The following UQCC1 variants were observed in gnomAD, a reference collection of about 807,000 sequenced individuals.
UQCC1 encodes bFGF-repressed Zic-binding protein.
In UQCC1, 38 loss-of-function variants were observed where a neutral mutation model predicts 48.0. The observed-to-expected ratio is 0.79, with a 90% confidence interval of 0.61 to 1.04. The LOEUF (loss-of-function observed/expected upper bound fraction) is 1.04. Among genes scored for constraint, UQCC1 ranks in the 50% least tolerant of loss-of-function variants. The pLI, the probability that UQCC1 is intolerant of heterozygous loss-of-function variation, is 0.00. For synonymous variants in UQCC1, 111 were observed against 129.2 expected, an observed-to-expected ratio of 0.86 and a Z score of 0.95; for missense variants, 368 against 381.8, an observed-to-expected ratio of 0.96 and a Z score of 0.30.
At chr20:35,305,495 C>T (rs910476094) in intron 9 of UQCC1, among the ~76,000 whole-genome samples, 2 of 152,244 alleles carry the variant, frequency 1.3e-5, no homozygotes, top group Non-Finnish European at 2.9e-5. Context: ...ATTTGCTTTG[C>T]GAATTGCTAC....
chr20:35,336,275 G>C (rs956291682), intron 7 of UQCC1, among the ~76,000 whole-genome samples: 1 of 152,212 alleles, frequency 6.6e-6, no homozygotes, highest in African/African-American at 2.4e-5. Context: ...TGGTAGGTAG[G>C]CTGAATTTGG....
chr20:35,374,137 AAAT>A, intron 5 of UQCC1, 44 bp downstream of exon 5: 1 of 1,464,440 alleles, frequency 6.8e-7, no homozygotes. Flanking sequence ...CATAAAAATG[AAAT>A]GTAGATTTGT....
intron 8 of UQCC1, chr20:35,307,079 C>A (rs1395330661): frequency 2.3e-6 from 1 of 440,730 alleles, no homozygotes. Flanking sequence ...CTGGCCCAGG[C>A]AACACTTGAG....
chr20:35,331,645 C>T (rs1018647144), intron 7 of UQCC1, among the ~76,000 whole-genome samples: 8 of 152,186 alleles, frequency 5.3e-5, no homozygotes, highest in African/African-American at 1.7e-4. Flanking sequence ...GAAACTAAAG[C>T]ATTTATGCCC....
At chr20:35,328,113 T>C (rs2061216987) in intron 7 of UQCC1, among the ~76,000 whole-genome samples, 1 of 151,572 alleles carries the variant, frequency 6.6e-6, no homozygotes, top group African/African-American at 2.4e-5. Context: ...CTCAGTAAAA[T>C]GTTCTTAGAA....
chr20:35,323,596 A>G (rs1307002633), intron 7 of UQCC1, among the ~76,000 whole-genome samples: 4 of 152,220 alleles, frequency 2.6e-5, no homozygotes, highest in Non-Finnish European at 4.4e-5. Context: ...GAAACCAGAG[A>G]GGTTTCAAGA....
chr20:35,407,923 G>A (rs1470797592), intron 1 of UQCC1, among the ~76,000 whole-genome samples: 3 of 152,202 alleles, frequency 2.0e-5, no homozygotes, highest in Non-Finnish European at 4.4e-5. Context: ...TTGGGAGGCT[G>A]AGGCGGGAGA....
chr20:35,304,785 G>A (rs917128066), intron 9 of UQCC1: 13 of 152,206 alleles, frequency 8.5e-5, no homozygotes, highest in African/African-American at 3.1e-4. Flanking sequence ...TTCATCTTAG[G>A]CTTTAGGTCA....
intron 1 of UQCC1, among the ~76,000 whole-genome samples, chr20:35,399,266 G>A (rs2062125291): frequency 6.6e-6 from 1 of 152,152 alleles, no homozygotes; most frequent in Non-Finnish European, 1.5e-5. Flanking sequence ...AGCAAAAACT[G>A]TTTTCTTAAA....
chr20:35,380,868 T>C (rs1261856087), intron 4 of UQCC1, among the ~76,000 whole-genome samples: 1 of 152,232 alleles, frequency 6.6e-6, no homozygotes, highest in African/African-American at 2.4e-5. Context: ...TGCATTATAC[T>C]TACCAGCTGA....
rs547783880 is a variant in UQCC1, at chr20:35,337,954, A to C, written c.573+9210T>G. 1.1e-3 allele frequency among the ~76,000 whole-genome samples: 166 copies of C among 151,238 alleles called. 1 individual carries two copies. The highest frequency in any genetic ancestry group is 3.9e-3 in the African/African-American group (162 of 41,208). ...TTCATTTATTGGCTTTGCCGCACAC[A>C]GTATAATACCGCCTTTGTTAGTCTC... On this transcript the variant is annotated intron_variant, in intron 7 of 9. Transcript: ENST00000374385.
intron 8 of UQCC1, among the ~76,000 whole-genome samples, chr20:35,311,651 C>T: frequency 6.6e-6 from 1 of 152,132 alleles, no homozygotes; most frequent in East Asian, 1.9e-4. Context: ...CTGAATTGTA[C>T]CTAGGTCCTC....
At chr20:35,347,564 T>G (rs1280012330) in intron 6 of UQCC1, among the ~76,000 whole-genome samples, 4 of 152,102 alleles carry the variant, frequency 2.6e-5, no homozygotes, top group Admixed American at 2.6e-4. Context: ...CCCTCATACC[T>G]GGAGGGAACC....
At chr20:35,335,664 A>G (rs2061307828) in intron 7 of UQCC1, among the ~76,000 whole-genome samples, 1 of 152,164 alleles carries the variant, frequency 6.6e-6, no homozygotes, top group Non-Finnish European at 1.5e-5. Context: ...TCCAGGGGCT[A>G]GGGGTAAGGG....
intron 1 of UQCC1, among the ~76,000 whole-genome samples, chr20:35,398,993 T>C (rs2062122053): frequency 6.6e-6 from 1 of 152,136 alleles, no homozygotes; most frequent in Admixed American, 6.6e-5. Flanking sequence ...CTTGTCCAAA[T>C]CCTTAATTGA....
chr20:35,406,506 T>C (rs977512562), intron 1 of UQCC1, among the ~76,000 whole-genome samples: 2 of 152,158 alleles, frequency 1.3e-5, no homozygotes, highest in Non-Finnish European at 2.9e-5. Flanking sequence ...CCAGCAAAAC[T>C]ATTATTCAAA....
chr20:35,410,020 G>C (rs887249544), intron 1 of UQCC1: 7 of 151,694 alleles, frequency 4.6e-5, no homozygotes, highest in African/African-American at 1.7e-4. Flanking sequence ...TGGCCAGGCT[G>C]GTCTTGAACT....
chr20:35,360,108 AGG>A (rs2061589873), intron 6 of UQCC1, among the ~76,000 whole-genome samples: 1 of 152,206 alleles, frequency 6.6e-6, no homozygotes, highest in Non-Finnish European at 1.5e-5. Flanking sequence ...CAGCGCACTT[AGG>A]GTATGCAATG....
chr20:35,338,357 GTTTC>G (rs945056776), intron 7 of UQCC1, among the ~76,000 whole-genome samples: 3 of 152,190 alleles, frequency 2.0e-5, no homozygotes, highest in East Asian at 1.9e-4. Flanking sequence ...AGGAGAAAAG[GTTTC>G]TTTCTTTCAA....
Sources: allele counts gnomAD v4.1 joint callset (sites outside exome capture counted in the v4.1 genomes callset), GRCh38; gene constraint gnomAD v4.1.1; transcripts MANE v1.5; gene names NCBI Gene and HGNC (gene_info 2026-07-23, HGNC 2026-07-21).